SESTD1: variants seen among roughly 807,000 people sequenced by gnomAD.
SESTD1 encodes the protein SEC14 domain and spectrin repeat-containing protein 1.
Under a neutral mutation model 101.7 loss-of-function variants are expected in SESTD1, and 43 were observed. That is an observed-to-expected ratio of 0.42 (90% CI 0.33 to 0.55). SESTD1 has a LOEUF of 0.55. SESTD1 is among the 20% of genes least tolerant of loss of function. The pLI is 0.07. For missense variants in SESTD1, 647 were observed against 815.1 expected (o/e 0.79, Z 2.51); for synonymous variants, 283 against 286.8 (o/e 0.99, Z 0.13).
At position 179,213,624 on chromosome 2, in the gene SESTD1, T is replaced by C. The variant is rs1358685448; in HGVS notation, c.-25-21758A>G. Among the ~76,000 whole-genome samples the C allele has an allele frequency of 4.5e-5, 6 of 134,410 alleles. 1 individual carries two copies. Among genetic ancestry groups the C allele is most frequent in the African/African-American group, 5.9e-5 (2 of 33,948 alleles). 88.2% of individuals were successfully genotyped at this position (134,410 alleles called of 152,430 possible). ...CCCCAACCTGGCAAGGAGGCCAATA[T>C]TCAAATTTAGGAAATACAAAGAATA... On this transcript the variant is annotated intron_variant, in intron 1 of 17. Transcript: ENST00000428443.
intron 2 of SESTD1, among the ~76,000 whole-genome samples, chr2:179,185,956 A>G (rs2046224534): frequency 3.5e-5 from 5 of 140,944 alleles, no homozygotes; most frequent in Non-Finnish European, 7.6e-5. Flanking sequence ...TATACAATAT[A>G]TAATATAGCA....
intron 5 of SESTD1, among the ~76,000 whole-genome samples, chr2:179,164,552 C>G (rs2045800809): frequency 6.6e-6 from 1 of 152,166 alleles, no homozygotes; most frequent in East Asian, 1.9e-4. Flanking sequence ...AGGTACAATG[C>G]TGCTGAAGGA....
intron 1 of SESTD1, among the ~76,000 whole-genome samples, chr2:179,211,269 C>T (rs978970715): frequency 7.6e-6 from 1 of 131,846 alleles, no homozygotes; most frequent in Admixed American, 7.4e-5. Context: ...CAATTCCCAT[C>T]AAAATACCAT....
At chr2:179,254,345 C>T (rs1394703665) in intron 1 of SESTD1, among the ~76,000 whole-genome samples, 1 of 152,140 alleles carries the variant, frequency 6.6e-6, no homozygotes, top group Non-Finnish European at 1.5e-5. Flanking sequence ...AACCTCCTTT[C>T]TCCTTAACGC....
chr2:179,114,962 T>C (rs527693426), intron 16 of SESTD1, 103 bp downstream of exon 16: 329 of 971,404 alleles, frequency 3.4e-4, no homozygotes, highest in Non-Finnish European at 4.7e-4. Flanking sequence ...AATATAAATA[T>C]TGAAAAATAG....
intron 5 of SESTD1, among the ~76,000 whole-genome samples, chr2:179,152,755 C>G (rs2045555001): frequency 6.6e-6 from 1 of 151,972 alleles, no homozygotes; most frequent in Non-Finnish European, 1.5e-5. Context: ...GAGTGTACAA[C>G]AAATTGCTAT....
intron 1 of SESTD1, among the ~76,000 whole-genome samples, chr2:179,222,237 T>A (rs2046826555): frequency 6.6e-6 from 1 of 152,046 alleles, no homozygotes; most frequent in Non-Finnish European, 1.5e-5. Context: ...TTTAGTGCAG[T>A]GGCAAAAAAC....
intron 1 of SESTD1, among the ~76,000 whole-genome samples, chr2:179,206,797 T>A (rs1187621399): frequency 1.5e-5 from 2 of 133,794 alleles, no homozygotes; most frequent in Non-Finnish European, 3.2e-5. Context: ...TGTGAAGGCT[T>A]GTACCTGAGG....
At chr2:179,194,329 G>A (rs868223984) in intron 1 of SESTD1, among the ~76,000 whole-genome samples, 1 of 152,098 alleles carries the variant, frequency 6.6e-6, no homozygotes, top group Non-Finnish European at 1.5e-5. Flanking sequence ...TGCTGCTCCA[G>A]GACGTGGCAA....
chr2:179,186,718 T>C (rs557212436), intron 2 of SESTD1, among the ~76,000 whole-genome samples: 120 of 147,118 alleles, frequency 8.2e-4, no homozygotes, highest in African/African-American at 2.9e-3. Flanking sequence ...GACGGAGTCT[T>C]GCTCTGTCGC....
intron 1 of SESTD1, among the ~76,000 whole-genome samples, chr2:179,255,388 C>A (rs1262547175): frequency 1.3e-5 from 2 of 152,246 alleles, no homozygotes; most frequent in South Asian, 2.1e-4. Context: ...AGAAAACATA[C>A]GAATGATAAG....
intron 2 of SESTD1, among the ~76,000 whole-genome samples, chr2:179,186,078 A>G (rs1306072667): frequency 1.4e-5 from 2 of 139,118 alleles, no homozygotes; most frequent in Non-Finnish European, 3.3e-5. Flanking sequence ...TACAATATAT[A>G]ATATAATACA....
intron 5 of SESTD1, among the ~76,000 whole-genome samples, chr2:179,167,071 A>G (rs1260053012): frequency 6.6e-6 from 1 of 152,240 alleles, no homozygotes; most frequent in Non-Finnish European, 1.5e-5. Flanking sequence ...AGCAAACAAC[A>G]TAAGTGGAGT....
intron 12 of SESTD1, among the ~76,000 whole-genome samples, chr2:179,122,808 A>G (rs2044784036): frequency 6.6e-6 from 1 of 152,196 alleles, no homozygotes; most frequent in Non-Finnish European, 1.5e-5. Context: ...AGGCAGGAGA[A>G]TCACTTGAAT....
Position 179,143,582 on chromosome 2 carries a change from A to T in SESTD1, c.849+10T>A, listed in dbSNP as rs1169789332. ...AAAAAGAGTTAAATATATTCAAATC[A>T]GACACCTACCTGCATTACCTTCTGT... On this transcript the variant is annotated intron_variant, in intron 9 of 17. Transcript: ENST00000428443. 3.1e-6 allele frequency: 5 copies of T among 1,612,528 alleles called. No individual in the cohort carries two copies. Among genetic ancestry groups the T allele is most frequent in the Non-Finnish European group, 3.4e-6 (4 of 1,178,682 alleles).
chr2:179,250,810 T>C (rs1182701158), intron 1 of SESTD1, among the ~76,000 whole-genome samples: 2 of 152,216 alleles, frequency 1.3e-5, no homozygotes, highest in East Asian at 1.9e-4. Context: ...AACATTCATA[T>C]AGTTAGTGGC....
At chr2:179,242,137 A>G (rs2047163524) in intron 1 of SESTD1, among the ~76,000 whole-genome samples, 1 of 152,174 alleles carries the variant, frequency 6.6e-6, no homozygotes, top group Non-Finnish European at 1.5e-5. Flanking sequence ...TACAAAATCA[A>G]TGTACAAAAA....
intron 10 of SESTD1, among the ~76,000 whole-genome samples, chr2:179,125,871 C>A (rs1341746964): frequency 1.3e-5 from 2 of 152,194 alleles, no homozygotes; most frequent in Non-Finnish European, 2.9e-5. Flanking sequence ...ACCCTCCGTT[C>A]TTCTACAGCC....
intron 10 of SESTD1, among the ~76,000 whole-genome samples, chr2:179,125,698 T>C (rs2154394139): frequency 6.6e-6 from 1 of 152,342 alleles, no homozygotes; most frequent in South Asian, 2.1e-4. Context: ...GGCAATCCTT[T>C]TATGTTTCTC....
Sources: gnomAD v4.1 joint callset for allele counts (sites outside exome capture counted in the v4.1 genomes callset) on GRCh38, gnomAD v4.1.1 for gene constraint, MANE v1.5 for transcripts, NCBI Gene and HGNC (gene_info 2026-07-23, HGNC 2026-07-21) for gene names.